Variants in C9 observed in about 807,000 individuals in gnomAD.
C9 encodes the protein complement component C9.
A neutral mutation model predicts 65.4 loss-of-function variants in C9; 63 were observed. The observed-to-expected ratio is 0.96, with a 90% CI of 0.79 to 1.19. C9 has a LOEUF of 1.19. Among genes scored for constraint, C9 ranks in the 50% most tolerant of loss-of-function variants. The pLI is 0.00. For missense variants in C9, 744 were observed against 670.1 expected, an observed-to-expected ratio of 1.11 and a Z score of -1.22; for synonymous variants, 229 against 227.9, an observed-to-expected ratio of 1.00 and a Z score of -0.04.
chr5:39,331,598 C>T, intron 5 of C9, 78 bp downstream of exon 5: 2 of 1,189,872 alleles, frequency 1.7e-6, no homozygotes, highest in Admixed American at 3.4e-5. Flanking sequence ...GAGTTTTTCA[C>T]ATTGTTTGGT....
rs1754084254 is a variant in C9 at position 39,341,613 on chromosome 5, T to C, written c.271A>G (p.Thr91Ala). 3 of 1,614,092 alleles carry C rather than the reference T, an allele frequency of 1.9e-6. No homozygotes were observed. The highest frequency in any genetic ancestry group is 2.5e-6 in the Non-Finnish European group (3 of 1,179,918). Residue 91 changes from threonine (T) to alanine (A), a missense_variant, in exon 3 of 11, where the codon ACA (threonine) becomes GCA (alanine). Coordinates refer to ENST00000263408, the MANE Select transcript of C9 (RefSeq NM_001737.5). The part of the protein sequence containing the change: ...AVGDRRQCVP[T>A]EPCEDAEDDC... ...TCCTCAGCATCCTCACAGGGCTCTG[T>C]GGGCACACACTGTCGTCTGTCTCCC...
rs781156181 is a variant in C9, at chr5:39,288,955, A to G, written c.1417-4T>C. On this transcript the variant is annotated splice_polypyrimidine_tract_variant and splice_region_variant and intron_variant, in intron 9 of 10. Transcript: ENST00000263408. ...CCAGATTATATATAGGAGACAGCTG[A>G]AAGGAAGCAAAACATTTAATTTTAG... The G allele has an allele frequency of 2.0e-6, 3 of 1,490,720 alleles. No individual in the cohort carries two copies. The South Asian group carries it at 3.4e-5, about 17-fold the overall frequency. 92.3% of individuals were successfully genotyped at this position (1,490,720 alleles called of 1,614,324 possible). A position where few individuals can be genotyped will look rare whatever the true frequency, so the allele number is the denominator to read the frequency against.
intron 6 of C9, among the ~76,000 whole-genome samples, chr5:39,313,900 C>T (rs1753529438): frequency 6.6e-6 from 1 of 152,120 alleles, no homozygotes; most frequent in African/African-American, 2.4e-5. Flanking sequence ...TTACTGGTCT[C>T]CCTCTCCAAA....
intron 1 of C9, among the ~76,000 whole-genome samples, chr5:39,355,803 C>T (rs1357399552): frequency 1.3e-5 from 2 of 152,194 alleles, no homozygotes; most frequent in Admixed American, 6.5e-5. Context: ...AGGTCCCACT[C>T]CTTGGCTTGT....
intron 1 of C9, among the ~76,000 whole-genome samples, chr5:39,363,432 G>A (rs1049730286): frequency 1.6e-4 from 24 of 152,148 alleles, no homozygotes; most frequent in Non-Finnish European, 1.6e-4. Flanking sequence ...TACTGGAGAC[G>A]GGCATCAAAG....
In C9 at chr5:39,288,906, G is replaced by A. The variant is rs1753040628; in HGVS notation, c.1462C>T (p.His488Tyr). 1 of 1,611,196 alleles carries A rather than the reference G, an allele frequency of 6.2e-7. No individual in the cohort carries two copies. Among genetic ancestry groups the A allele is most frequent in the Non-Finnish European group, 8.5e-7 (1 of 1,177,908 alleles). The change falls in exon 10 of 11, where the codon CAC becomes TAC. Residue 488 changes from histidine (H) to tyrosine (Y), a missense_variant. His to Tyr is a moderately conservative substitution (Grantham distance 83). Coordinates refer to ENST00000263408, the MANE Select transcript of C9 (RefSeq NM_001737.5). ...CTTTCCAAGTTTTGTTTCTTTAGGT[G>A]TGCATTTTTCATTTTCACTGGAACC... ...NLVPVKMKNA[H>Y]LKKQNLERAI...
intron 1 of C9, among the ~76,000 whole-genome samples, chr5:39,359,127 TA>T: frequency 6.9e-6 from 1 of 144,640 alleles, no homozygotes; most frequent in African/African-American, 2.5e-5. Flanking sequence ...TATATATATG[TA>T]GTACCAATAG....
chr5:39,334,418 G>C (rs985103855), intron 4 of C9, among the ~76,000 whole-genome samples: 4 of 149,472 alleles, frequency 2.7e-5, no homozygotes, highest in Non-Finnish European at 4.4e-5. Flanking sequence ...CCGCCCGGCA[G>C]CCGCCCCGTC....
intron 6 of C9, among the ~76,000 whole-genome samples, 160 bp downstream of exon 6, chr5:39,315,615 C>T (rs929713660): frequency 1.3e-5 from 2 of 152,152 alleles, no homozygotes; most frequent in Non-Finnish European, 2.9e-5. Flanking sequence ...TTCTATCAGA[C>T]TTTTCTCCAG....
At chr5:39,332,625 C>T (rs1019115403) in intron 4 of C9, among the ~76,000 whole-genome samples, 1 of 152,210 alleles carries the variant, frequency 6.6e-6, no homozygotes, top group African/African-American at 2.4e-5. Context: ...CTGGAATAAA[C>T]GGCCCCAAGC....
intron 4 of C9, among the ~76,000 whole-genome samples, chr5:39,334,383 C>T: frequency 6.7e-6 from 1 of 150,354 alleles, no homozygotes; most frequent in East Asian, 2.0e-4. Context: ...TGGCAACCGC[C>T]CCGTCTGAGA....
At chr5:39,352,102 C>A (rs1305817687) in intron 1 of C9, among the ~76,000 whole-genome samples, 3 of 152,136 alleles carry the variant, frequency 2.0e-5, no homozygotes, top group Admixed American at 2.0e-4. Flanking sequence ...GCAAGCACAT[C>A]TTCACATAGT....
At chr5:39,333,391 C>T (rs1040360197) in intron 4 of C9, among the ~76,000 whole-genome samples, 2 of 152,078 alleles carry the variant, frequency 1.3e-5, no homozygotes, top group Non-Finnish European at 2.9e-5. Context: ...CTTTTGCTTT[C>T]CTGTATTTGT....
chr5:39,311,544 A>T (rs965698581), intron 6 of C9, among the ~76,000 whole-genome samples, 167 bp from the exon 7 acceptor site: 2 of 152,154 alleles, frequency 1.3e-5, no homozygotes, highest in African/African-American at 4.8e-5. Context: ...ATCAACACCA[A>T]CTACTGATGA....
chr5:39,338,250 G>T (rs1428682936), intron 4 of C9, among the ~76,000 whole-genome samples: 1 of 152,168 alleles, frequency 6.6e-6, no homozygotes, highest in Admixed American at 6.5e-5. Flanking sequence ...TTGAAGTTAA[G>T]GTGTCGAAGT....
At chr5:39,310,460 G>T (rs1490328549) in intron 7 of C9, among the ~76,000 whole-genome samples, 1 of 151,954 alleles carries the variant, frequency 6.6e-6, no homozygotes, top group East Asian at 1.9e-4. Context: ...AGACTTAGAC[G>T]AACCCTTTAG....
At chr5:39,354,169 G>A (rs1012478715) in intron 1 of C9, among the ~76,000 whole-genome samples, 1 of 152,164 alleles carries the variant, frequency 6.6e-6, no homozygotes, top group African/African-American at 2.4e-5. Flanking sequence ...GGAAGTCTGA[G>A]TACTAGTGCA....
At chr5:39,306,883 C>T (rs1753391185) in intron 8 of C9, 91 bp from the exon 9 acceptor site, 1 of 853,554 alleles carries the variant, frequency 1.2e-6, no homozygotes, top group South Asian at 1.4e-5. Flanking sequence ...TTTATTGAGT[C>T]CTTTTAGTAA....
chr5:39,342,128 C>A lies in C9; in HGVS notation c.146G>T (p.Ser49Ile). 6.2e-7 allele frequency: 1 copy of A among 1,609,392 alleles called. No homozygotes were observed. The highest frequency in any genetic ancestry group is 1.1e-5 in the South Asian group (1 of 91,004). Residue 49 changes from serine (S) to isoleucine (I), a missense_variant, in exon 2 of 11, where the codon AGT becomes ATT. Transcript: ENST00000263408. ...SHIDCRMSPW[S>I]EWSQCDPCLR... ...ACAAGGATCGCATTGTGACCATTCA[C>A]TCCAGGGGCTCATTCTGCAGTCTAT...
Sources: gnomAD v4.1 joint callset for allele counts (sites outside exome capture counted in the v4.1 genomes callset) on GRCh38, gnomAD v4.1.1 for gene constraint, MANE v1.5 for transcripts, NCBI Gene and HGNC (gene_info 2026-07-23, HGNC 2026-07-21) for gene names.